Variants in NFATC3 observed in about 807,000 individuals in gnomAD.
The protein encoded by NFATC3 is nuclear factor of activated T cells 3.
NFATC3 carries 46 observed loss-of-function variants against 98.6 expected under a neutral mutation model. The ratio of observed to expected loss-of-function variants is 0.47; its 90% CI spans 0.37 to 0.60. The LOEUF (loss-of-function observed/expected upper bound fraction) is 0.60, where lower values mean the gene tolerates loss of function less well. NFATC3 is among the 20% of genes least tolerant of loss of function. The pLI is 0.00. For missense variants in NFATC3, 1,256 were observed against 1,295.5 expected (o/e 0.97, Z 0.47); for synonymous variants, 512 against 472.2 (o/e 1.08, Z -1.09).
chr16:68,100,482 A>C (rs2035284621), intron 1 of NFATC3, among the ~76,000 whole-genome samples: 1 of 152,086 alleles, frequency 6.6e-6, no homozygotes, highest in Non-Finnish European at 1.5e-5. Flanking sequence ...CTGAGGCATG[A>C]GAAATCGCTT....
chr16:68,138,816 A>T (rs900919076), intron 3 of NFATC3: 1 of 1,234,512 alleles, frequency 8.1e-7, no homozygotes. Flanking sequence ...TCTATGCCAC[A>T]TGCTCCACAC....
rs1198013152 is a variant in NFATC3 at position 68,203,779 on chromosome 16, G to A, written c.3106+12004G>A. Among the ~76,000 whole-genome samples the A allele has an allele frequency of 2.6e-5, 4 of 152,098 alleles. 1 individual carries two copies. The highest frequency in any genetic ancestry group is 4.1e-4 in the South Asian group (2 of 4,822). On this transcript the variant is annotated intron_variant, in intron 9 of 9. Coordinates refer to ENST00000346183, the MANE Select transcript of NFATC3 (RefSeq NM_173165.3). ...TTAAAAATAGTTAATGGCTGGGCGC[G>A]GTGGCTCGTGCCTGTAATCCCAGCA...
intron 3 of NFATC3, among the ~76,000 whole-genome samples, chr16:68,142,009 A>T (rs1271077795): frequency 6.6e-6 from 1 of 152,118 alleles, no homozygotes; most frequent in Admixed American, 6.6e-5. Context: ...ATCCAGTTTC[A>T]TTCTTCTACG....
intron 9 of NFATC3, chr16:68,225,752 G>A (rs575902445): frequency 1.3e-5 from 2 of 152,320 alleles, no homozygotes; most frequent in South Asian, 4.1e-4. Flanking sequence ...GGGGATTTGG[G>A]ATGTTCCCTT....
chr16:68,140,972 A>G (rs1203030374), intron 3 of NFATC3, among the ~76,000 whole-genome samples: 2 of 152,072 alleles, frequency 1.3e-5, no homozygotes, highest in East Asian at 1.9e-4. Flanking sequence ...CTGAGTCTAC[A>G]ATATCCATTA....
chr16:68,150,954 G>GCC (rs5817632), intron 3 of NFATC3, among the ~76,000 whole-genome samples: 1 of 151,792 alleles, frequency 6.6e-6, no homozygotes, highest in African/African-American at 2.4e-5. Flanking sequence ...ATTTCCTGAG[G>GCC]CCCCCCCAGC....
intron 3 of NFATC3, among the ~76,000 whole-genome samples, chr16:68,145,556 G>A (rs563769084): frequency 6.6e-6 from 1 of 152,278 alleles, no homozygotes; most frequent in African/African-American, 2.4e-5. Flanking sequence ...ATAAACTGTT[G>A]ATACATGCAA....
At chr16:68,218,398 A>G (rs1296315568) in intron 9 of NFATC3, among the ~76,000 whole-genome samples, 1 of 150,270 alleles carries the variant, frequency 6.7e-6, no homozygotes, top group East Asian at 2.0e-4. Flanking sequence ...AACATGGCAA[A>G]CCCTGTTTCT....
At position 68,167,094 on chromosome 16, in the gene NFATC3, C is replaced by T. The variant is rs189170817; in HGVS notation, c.1774+79C>T. On this transcript the variant is annotated intron_variant, in intron 5 of 9. Coordinates refer to ENST00000346183, the MANE Select transcript of NFATC3 (RefSeq NM_173165.3). The stretch of plus-strand genomic sequence containing the variant: ...TGTTTTACTTATAATGTAATGTATG[C>T]GTCTGAAGTGCAAACTGAGGCATAC... 138 of 1,423,412 alleles carry T rather than the reference C, an allele frequency of 9.7e-5. No individual in the cohort carries two copies. In the African/African-American group the frequency reaches 1.5e-3, roughly 16 times the overall value. 88.2% of individuals were successfully genotyped at this position (1,423,412 alleles called of 1,614,324 possible). A position where few individuals can be genotyped will look rare whatever the true frequency, so the allele number is the denominator to read the frequency against.
At chr16:68,131,239 GTGCTTATTGATACATTCTT>G (rs1312814597) in intron 3 of NFATC3, among the ~76,000 whole-genome samples, 1 of 152,046 alleles carries the variant, frequency 6.6e-6, no homozygotes, top group Non-Finnish European at 1.5e-5. Context: ...GTGTTTGGTA[GTGCTTATTGATACATTCTT>G]ATACAACAAC....
intron 3 of NFATC3, among the ~76,000 whole-genome samples, chr16:68,128,584 G>A (rs964814343): frequency 1.1e-4 from 17 of 151,894 alleles, no homozygotes; most frequent in African/African-American, 4.1e-4. Context: ...TGCATGTGCT[G>A]TGGTCAAAAG....
At position 68,118,539 on chromosome 16, in the gene NFATC3, ATTC is replaced by A. The variant is rs370647037; in HGVS notation, c.104-3442_104-3440del. On this transcript the variant is annotated intron_variant, in intron 1 of 9. Coordinates refer to ENST00000346183, the MANE Select transcript of NFATC3 (RefSeq NM_173165.3). The stretch of plus-strand genomic sequence containing the variant: ...GATGTCTCTTCTAACCTCTTAACTC[ATTC>A]TTCTTTTTCTCCCTAATCCTAAACT... Among the ~76,000 whole-genome samples the A allele has an allele frequency of 5.0e-3, 766 of 152,156 alleles. 8 individuals carry two copies. Among genetic ancestry groups the A allele is most frequent in the African/African-American group, 0.017 (698 of 41,486 alleles).
At chr16:68,167,078 T>TA in intron 5 of NFATC3, 63 bp downstream of exon 5, 1 of 1,521,990 alleles carries the variant, frequency 6.6e-7, no homozygotes, top group Non-Finnish European at 9.0e-7. Context: ...CTGTTTTACT[T>TA]ATAATGTAAT....
chr16:68,181,109 A>C (rs1598521720), intron 6 of NFATC3, among the ~76,000 whole-genome samples: 2 of 152,334 alleles, frequency 1.3e-5, no homozygotes, highest in East Asian at 3.9e-4. Flanking sequence ...GAAGTAGTTT[A>C]CAGTCCCACC....
In NFATC3 at chr16:68,227,315, C is replaced by G. The variant is rs2042058645; in HGVS notation, c.*844C>G. On this transcript the variant is annotated 3_prime_UTR_variant, in exon 10 of 10. Coordinates refer to ENST00000346183, the MANE Select transcript of NFATC3 (RefSeq NM_173165.3). ...TCTTGCCATCATAAAAACTAGTAGGCTGTGGAGTGCGCTTCCTGTTTGTGT... is the reference window on the plus strand; with the variant it reads ...TCTTGCCATCATAAAAACTAGTAGGGTGTGGAGTGCGCTTCCTGTTTGTGT... 6.6e-6 allele frequency: 1 copy of G among 152,150 alleles called. No individual in the cohort carries two copies. The highest frequency in any genetic ancestry group is 2.1e-4 in the South Asian group (1 of 4,822). 9.4% of individuals were successfully genotyped at this position (152,150 alleles called of 1,614,324 possible). A position where few individuals can be genotyped will look rare whatever the true frequency, so the allele number is the denominator to read the frequency against.
intron 3 of NFATC3, among the ~76,000 whole-genome samples, chr16:68,142,680 C>T (rs2037819389): frequency 6.6e-6 from 1 of 151,854 alleles, no homozygotes; most frequent in South Asian, 2.1e-4. Context: ...CTCATTTGAA[C>T]CTGGAAGCCA....
Position 68,226,944 on chromosome 16 carries a change from A to G in NFATC3, c.*473A>G, listed in dbSNP as rs2042053166. ...AAAAAGAAAAAAAAAGAAAAGAAAA[A>G]AAGAAAAAGAAAAAAATATCCCAAG... On this transcript the variant is annotated 3_prime_UTR_variant, in exon 10 of 10. Coordinates refer to ENST00000346183, the MANE Select transcript of NFATC3 (RefSeq NM_173165.3). 1 of 151,336 alleles carries G rather than the reference A, an allele frequency of 6.6e-6. No homozygotes were observed. The highest frequency in any genetic ancestry group is 1.9e-4 in the East Asian group (1 of 5,180). 9.4% of individuals were successfully genotyped at this position (151,336 alleles called of 1,614,324 possible).
intron 9 of NFATC3, among the ~76,000 whole-genome samples, chr16:68,217,252 C>T (rs2041671867): frequency 6.6e-6 from 1 of 151,780 alleles, no homozygotes; most frequent in Non-Finnish European, 1.5e-5. Flanking sequence ...GGCAACATGG[C>T]GAAACCTTGT....
In NFATC3 at chr16:68,085,595, T is replaced by G. The variant is rs1007547006; in HGVS notation, c.-87T>G. On this transcript the variant is annotated 5_prime_UTR_variant, in exon 1 of 10. The change abolishes an upstream ATG in the 5' untranslated region. Transcript: ENST00000346183. ...ACCTCTTGGCCCGCGCGGCCCGGCATGAAGCGGCGTTGAGGAGCTGCTGCC... is the reference window on the plus strand; with the variant it reads ...ACCTCTTGGCCCGCGCGGCCCGGCAGGAAGCGGCGTTGAGGAGCTGCTGCC... 1.8e-5 allele frequency: 22 copies of G among 1,204,742 alleles called. No individual in the cohort carries two copies. The highest frequency in any genetic ancestry group is 3.3e-5 in the African/African-American group (2 of 61,496). The allele number at this position is 1,204,742 out of a possible 1,614,324, so 74.6% of individuals were successfully genotyped here.
Sources: allele counts gnomAD v4.1 joint callset (sites outside exome capture counted in the v4.1 genomes callset), GRCh38; gene constraint gnomAD v4.1.1; transcripts MANE v1.5; gene names NCBI Gene and HGNC (gene_info 2026-07-23, HGNC 2026-07-21).